The following CDC5L variants were observed in gnomAD, a reference collection of about 807,000 sequenced individuals.
The protein encoded by CDC5L is cell division cycle 5-like protein.
In CDC5L, 18 loss-of-function variants were observed where a neutral mutation model predicts 104.1. The observed-to-expected ratio is 0.17, with a 90% CI of 0.12 to 0.26. The LOEUF is 0.26. CDC5L is among the 10% of genes least tolerant of loss of function. The pLI is 1.00. For synonymous variants in CDC5L, 331 were observed against 322.7 expected, an observed-to-expected ratio of 1.03 and a Z score of -0.28; for missense variants, 673 against 956.9, an observed-to-expected ratio of 0.70 and a Z score of 3.91.
chr6:44,435,080 G>GC (rs955778558), intron 14 of CDC5L, among the ~76,000 whole-genome samples: 16 of 67,040 alleles, frequency 2.4e-4, no homozygotes, highest in Admixed American at 6.3e-4. Context: ...TATGCACCCC[G>GC]CCCCCCCTGC....
At chr6:44,413,956 CTT>C (rs928310701) in intron 8 of CDC5L, among the ~76,000 whole-genome samples, 1 of 152,176 alleles carries the variant, frequency 6.6e-6, no homozygotes, top group Non-Finnish European at 1.5e-5. Context: ...TGTTTTCTGT[CTT>C]TTTGATTATA....
rs1463401924 is a variant in CDC5L, at chr6:44,446,647, A to G, written c.2345A>G (p.Lys782Arg). 1.3e-6 allele frequency: 2 copies of G among 1,594,130 alleles called. No individual in the cohort carries two copies. Among genetic ancestry groups the G allele is most frequent in the South Asian group, 2.3e-5 (2 of 86,980 alleles). Residue 782 changes from lysine to arginine, a missense_variant, in exon 16 of 16, where the codon AAG (lysine) becomes AGG (arginine). By Grantham distance (26) the Lys-to-Arg change is conservative. Coordinates refer to ENST00000371477, the MANE Select transcript of CDC5L (RefSeq NM_001253.4). ...EDVQRQQERE[K>R]ELQHRYADLL... ...GTTCAGCGACAACAAGAAAGAGAAA[A>G]GGAACTTCAACATAGATATGCTGAT...
In CDC5L at chr6:44,447,546, G is replaced by A. The variant is rs1793497827; in HGVS notation, c.*835G>A. ...ATTCATATAAATTGATTTAGTTACA[G>A]TATCAGTTGGCTACAAGCTCATTAT... On this transcript the variant is annotated 3_prime_UTR_variant, in exon 16 of 16. Transcript: ENST00000371477. The A allele has an allele frequency of 6.6e-6, 1 of 152,144 alleles. No individual in the cohort carries two copies. Among genetic ancestry groups the A allele is most frequent in the Admixed American group, 6.5e-5 (1 of 15,276 alleles). The allele number at this position is 152,144 out of a possible 1,614,324, so 9.4% of individuals were successfully genotyped here.
Position 44,426,189 on chromosome 6 carries a change from T to C in CDC5L, c.1650+6T>C, listed in dbSNP as rs1792410473. On this transcript the variant is annotated splice_donor_region_variant and intron_variant, in intron 12 of 15. Coordinates refer to ENST00000371477, the MANE Select transcript of CDC5L (RefSeq NM_001253.4). ...ATCTGCCAAGACCATCAGAAGTAAG[T>C]GTTAGAATTTCTGGTTTAGGAAGTT... 1 of 1,585,520 alleles carries C rather than the reference T, an allele frequency of 6.3e-7. No individual in the cohort carries two copies. Among genetic ancestry groups the C allele is most frequent in the African/African-American group, 1.4e-5 (1 of 73,570 alleles).
intron 14 of CDC5L, among the ~76,000 whole-genome samples, chr6:44,432,099 T>C (rs1008393000): frequency 6.6e-6 from 1 of 152,226 alleles, no homozygotes; most frequent in African/African-American, 2.4e-5. Flanking sequence ...GCTCAAAGAC[T>C]TGAATAAACA....
chr6:44,412,759 A>G (rs987017996), intron 8 of CDC5L, among the ~76,000 whole-genome samples: 2 of 148,744 alleles, frequency 1.3e-5, no homozygotes, highest in African/African-American at 5.0e-5. Flanking sequence ...AACCATCACC[A>G]CAGTCAATTT....
chr6:44,411,194 T>TG (rs1791607672), intron 8 of CDC5L, among the ~76,000 whole-genome samples: 1 of 151,968 alleles, frequency 6.6e-6, no homozygotes, highest in African/African-American at 2.4e-5. Context: ...TAGAAGTGGG[T>TG]GGGGGGCAAT....
chr6:44,420,710 A>T (rs1441865793), intron 9 of CDC5L, among the ~76,000 whole-genome samples: 3 of 152,194 alleles, frequency 2.0e-5, no homozygotes, highest in Non-Finnish European at 4.4e-5. Context: ...ACGCTCATTG[A>T]AACGTTTCAG....
chr6:44,395,881 G>GA (rs372007955), intron 4 of CDC5L, among the ~76,000 whole-genome samples: 10 of 151,524 alleles, frequency 6.6e-5, no homozygotes, highest in African/African-American at 1.9e-4. Flanking sequence ...GTTCTGAGGG[G>GA]AAAAAAAAGT....
intron 9 of CDC5L, among the ~76,000 whole-genome samples, chr6:44,421,167 A>G (rs1792154226): frequency 6.6e-6 from 1 of 152,198 alleles, no homozygotes; most frequent in Admixed American, 6.5e-5. Flanking sequence ...TCACATATCC[A>G]TCCACCAATC....
At chr6:44,392,904 C>A in intron 3 of CDC5L, 76 bp downstream of exon 3, 1 of 1,362,514 alleles carries the variant, frequency 7.3e-7, no homozygotes. Context: ...TGAGTATTTT[C>A]TGTCTTTAAA....
intron 13 of CDC5L, among the ~76,000 whole-genome samples, chr6:44,428,378 T>C (rs935288974): frequency 6.6e-6 from 1 of 152,178 alleles, no homozygotes; most frequent in African/African-American, 2.4e-5. Context: ...TTATTTTCAT[T>C]ATTACTGGAA....
At chr6:44,417,791 G>A (rs145344543) in intron 8 of CDC5L, among the ~76,000 whole-genome samples, 1 of 152,260 alleles carries the variant, frequency 6.6e-6, no homozygotes, top group East Asian at 1.9e-4. Context: ...AGTATCTTAA[G>A]TTCCCAGTAG....
At chr6:44,427,784 A>G (rs1175443386) in intron 13 of CDC5L, among the ~76,000 whole-genome samples, 1 of 152,216 alleles carries the variant, frequency 6.6e-6, no homozygotes, top group Non-Finnish European at 1.5e-5. Context: ...CGAAATTGAT[A>G]CTTGCACAGT....
At chr6:44,398,191 A>G (rs1381524301) in intron 5 of CDC5L, among the ~76,000 whole-genome samples, 3 of 152,224 alleles carry the variant, frequency 2.0e-5, no homozygotes, top group Non-Finnish European at 2.9e-5. Flanking sequence ...GACAGTAAAC[A>G]GAAACCAAGA....
intron 10 of CDC5L, among the ~76,000 whole-genome samples, chr6:44,423,690 G>C (rs534202559): frequency 6.6e-6 from 1 of 152,298 alleles, no homozygotes; most frequent in South Asian, 2.1e-4. Context: ...TGTAAGCACT[G>C]AGGATGGATG....
intron 14 of CDC5L, among the ~76,000 whole-genome samples, chr6:44,436,961 A>T (rs1238458078): frequency 1.3e-5 from 2 of 152,192 alleles, no homozygotes; most frequent in African/African-American, 4.8e-5. Flanking sequence ...GACTATTAGA[A>T]ATTTTTTGTC....
At chr6:44,411,637 A>AGTGTGTGTGTGTGT (rs55826820) in intron 8 of CDC5L, among the ~76,000 whole-genome samples, 1,961 of 123,682 alleles carry the variant, frequency 0.016, 50 homozygotes, top group African/African-American at 0.031. Flanking sequence ...AGAGAGAGAG[A>AGTGTGTGTGTGTGT]GTGTGTGTGT....
At position 44,449,692 on chromosome 6, in the gene CDC5L, T is replaced by C. The variant is rs568483831; in HGVS notation, c.*2981T>C. ...CCTTTTTGAAATATTAGAGACATAA[T>C]GCTGTCTAATAAAAAACGACATCAA... On this transcript the variant is annotated 3_prime_UTR_variant, in exon 16 of 16. Coordinates refer to ENST00000371477, the MANE Select transcript of CDC5L (RefSeq NM_001253.4). The C allele has an allele frequency of 4.6e-5, 7 of 152,238 alleles. No individual in the cohort carries two copies. Among genetic ancestry groups the C allele is most frequent in the Non-Finnish European group, 2.9e-5 (2 of 68,024 alleles). 9.4% of individuals were successfully genotyped at this position (152,238 alleles called of 1,614,324 possible). A position where few individuals can be genotyped will look rare whatever the true frequency, so the allele number is the denominator to read the frequency against.
Sources: allele counts gnomAD v4.1 joint callset (sites outside exome capture counted in the v4.1 genomes callset), GRCh38; gene constraint gnomAD v4.1.1; transcripts MANE v1.5; gene names NCBI Gene and HGNC (gene_info 2026-07-23, HGNC 2026-07-21).